Variants in MS4A12 observed in about 807,000 individuals in gnomAD.
The protein encoded by MS4A12 is membrane-spanning 4-domains subfamily A member 12.
A neutral mutation model predicts 23.7 loss-of-function variants in MS4A12; 28 were observed. The ratio of observed to expected loss-of-function variants is 1.18; its 90% CI spans 0.88 to 1.62. MS4A12 has a LOEUF of 1.62. Ranked by LOEUF, MS4A12 falls within the 40% of genes most tolerant of loss-of-function variation. MS4A12 has a pLI of 0.00. For synonymous variants in MS4A12, 108 were observed against 110.1 expected, an observed-to-expected ratio of 0.98 and a Z score of 0.12; for missense variants, 342 against 327.0, an observed-to-expected ratio of 1.05 and a Z score of -0.35.
chr11:60,503,893 T>C, intron 5 of MS4A12, 76 bp downstream of exon 5: 3 of 1,225,248 alleles, frequency 2.4e-6, no homozygotes, highest in Middle Eastern at 2.0e-4. Flanking sequence ...TATTTCTTAA[T>C]ACCGTATACC....
At chr11:60,493,862 G>T (rs1435718463) in intron 1 of MS4A12, among the ~76,000 whole-genome samples, 3 of 152,196 alleles carry the variant, frequency 2.0e-5, no homozygotes, top group Non-Finnish European at 2.9e-5. Context: ...TGTAATCACA[G>T]AGCAAATTGC....
chr11:60,497,766 T>C (rs1187921658), intron 2 of MS4A12, 172 bp downstream of exon 2: 1 of 738,646 alleles, frequency 1.4e-6, no homozygotes, highest in Non-Finnish European at 2.1e-6. Flanking sequence ...CATTTCATTT[T>C]AGATCAAGCA....
At chr11:60,501,792 T>A (rs199995834) in intron 3 of MS4A12, among the ~76,000 whole-genome samples, 191 bp from the exon 4 acceptor site, 1 of 40,386 alleles carries the variant, frequency 2.5e-5, no homozygotes, top group African/African-American at 1.1e-4. Flanking sequence ...AGGCCAGAAA[T>A]TAAGGAAAAG....
At chr11:60,501,209 C>T (rs768524727) in intron 3 of MS4A12, 27 bp downstream of exon 3, 5 of 1,568,336 alleles carry the variant, frequency 3.2e-6, no homozygotes, top group Middle Eastern at 1.7e-4. Flanking sequence ...AACACCAGTC[C>T]TTCTTGGTTT....
rs72928718 is a variant in MS4A12, at chr11:60,496,528, G to A, written c.-6-785G>A. ...CTAAAGAACAGAAGAATCATCTTAAGTGGGCATATGTGAACTATCTAGTTT... is the reference window on the plus strand; with the variant it reads ...CTAAAGAACAGAAGAATCATCTTAAATGGGCATATGTGAACTATCTAGTTT... On this transcript the variant is annotated intron_variant, in intron 1 of 6. Transcript: ENST00000016913. 5.6e-3 allele frequency among the ~76,000 whole-genome samples: 857 copies of A among 152,294 alleles called. 3 individuals carry two copies. The highest frequency in any genetic ancestry group is 9.3e-3 in the Non-Finnish European group (633 of 68,024).
chr11:60,500,912 C>T (rs934068807), intron 2 of MS4A12, 133 bp from the exon 3 acceptor site: 1 of 1,001,744 alleles, frequency 1.0e-6, no homozygotes, highest in African/African-American at 1.7e-5. Context: ...CCTCCTGCTT[C>T]AGATGTGTGC....
At chr11:60,505,009 T>C (rs1304053806) in intron 5 of MS4A12, among the ~76,000 whole-genome samples, 1 of 152,182 alleles carries the variant, frequency 6.6e-6, no homozygotes, top group Admixed American at 6.5e-5. Context: ...CTTTTGTGCT[T>C]GGAAAGGACA....
rs770456857 is a variant in MS4A12, at chr11:60,501,152, TGGTGGATACCCATTCTGG to T, written c.390_407del (p.Tyr131_Gly136del). On this transcript the variant is annotated inframe_deletion, in exon 3 of 7. Coordinates refer to ENST00000016913, the MANE Select transcript of MS4A12 (RefSeq NM_017716.3). Reference sequence around the variant, plus strand: ...TAGGTTTTGCCTCTACTGCTGTTATTGGTGGATACCCATTCTGGGGTGGCCTTTCTGTGAGTAGATTGC... The same window carrying T: ...TAGGTTTTGCCTCTACTGCTGTTATTGGTGGCCTTTCTGTGAGTAGATTGC... The T allele has an allele frequency of 1.9e-6, 3 of 1,612,904 alleles. No individual in the cohort carries two copies. The South Asian group carries it at 3.3e-5, about 18-fold the overall frequency.
chr11:60,507,291 C>T lies in MS4A12; in HGVS notation c.*167C>T. On this transcript the variant is annotated 3_prime_UTR_variant, in exon 7 of 7. Coordinates refer to ENST00000016913, the MANE Select transcript of MS4A12 (RefSeq NM_017716.3). ...TGATGGCTGTATCTCCCTTCACTGT[C>T]TCTTCCTACATTACCACTACTACAT... 1.6e-6 allele frequency: 1 copy of T among 609,240 alleles called. No individual in the cohort carries two copies. Among genetic ancestry groups the T allele is most frequent in the Non-Finnish European group, 2.9e-6 (1 of 344,980 alleles). 37.7% of individuals were successfully genotyped at this position (609,240 alleles called of 1,614,324 possible). A position where few individuals can be genotyped will look rare whatever the true frequency, so the allele number is the denominator to read the frequency against.
intron 2 of MS4A12, among the ~76,000 whole-genome samples, chr11:60,500,251 C>CA (rs1233888569): frequency 5.3e-4 from 53 of 100,640 alleles, no homozygotes; most frequent in East Asian, 2.5e-3. Flanking sequence ...AAAAAAAAAC[C>CA]AAAAAAAAAC....
intron 2 of MS4A12, among the ~76,000 whole-genome samples, chr11:60,500,261 CA>C (rs1322776085): frequency 0.038 from 4,996 of 131,886 alleles, 166 homozygotes; most frequent in Admixed American, 0.11. Context: ...CAAAAAAAAA[CA>C]AAAAAAAAAA....
chr11:60,493,627 T>A (rs1036370344), intron 1 of MS4A12, among the ~76,000 whole-genome samples: 4 of 152,206 alleles, frequency 2.6e-5, no homozygotes, highest in African/African-American at 9.6e-5. Context: ...GGAAAGAACA[T>A]TCATTTTCAC....
At position 60,506,755 on chromosome 11, in the gene MS4A12, C is replaced by T. The variant is rs1297049192; in HGVS notation, c.616C>T (p.Leu206=). The change falls in exon 6 of 7, where the codon CTG becomes TTG. Residue 206 remains leucine (L), a synonymous_variant. Coordinates refer to ENST00000016913, the MANE Select transcript of MS4A12 (RefSeq NM_017716.3). Reference sequence around the variant, plus strand: ...TTCTGGAAAAGGCATTTCAGCCACGCTGATGATCTTCTCCCTCTTGGAGTT... The same window carrying T: ...TTCTGGAAAAGGCATTTCAGCCACGTTGATGATCTTCTCCCTCTTGGAGTT... ...VLSGKGISAT[L]MIFSLLEFFV... 2 of 1,614,166 alleles carry T rather than the reference C, an allele frequency of 1.2e-6. No homozygotes were observed. The highest frequency in any genetic ancestry group is 1.7e-6 in the Non-Finnish European group (2 of 1,180,000).
intron 5 of MS4A12, among the ~76,000 whole-genome samples, chr11:60,504,047 T>A (rs2086552117): frequency 6.6e-6 from 1 of 152,232 alleles, no homozygotes; most frequent in Admixed American, 6.5e-5. Context: ...TCACTGTTAA[T>A]CACATGAACA....
At position 60,503,735 on chromosome 11, in the gene MS4A12, C is replaced by T; in HGVS notation, c.506C>T (p.Ser169Phe). Residue 169 changes from serine (S) to phenylalanine (F), a missense_variant, in exon 5 of 7, where the codon TCT becomes TTT. Transcript: ENST00000016913. ...KGSLGMNIVS[S>F]ILAFIGVILL... ...AGCCTGGGAATGAACATTGTTAGTTCTATCTTGGCCTTCATTGGAGTGATT... is the reference window on the plus strand; with the variant it reads ...AGCCTGGGAATGAACATTGTTAGTTTTATCTTGGCCTTCATTGGAGTGATT... 1 of 1,613,654 alleles carries T rather than the reference C, an allele frequency of 6.2e-7. No homozygotes were observed.
Position 60,507,087 on chromosome 11 carries a change from C to T in MS4A12, c.767C>T (p.Pro256Leu), listed in dbSNP as rs2135237441. The change falls in exon 7 of 7, where the codon CCC (proline) becomes CTC (leucine). Residue 256 changes from proline (P) to leucine (L), a missense_variant. Transcript: ENST00000016913. Reference sequence around the variant, plus strand: ...ACACCAGCGTCTTCTTCAGCTCCTCCCAGATGCAACAACTACTCAGCTAAT... The same window carrying T: ...ACACCAGCGTCTTCTTCAGCTCCTCTCAGATGCAACAACTACTCAGCTAAT... ...PVTPASSSAP[P>L]RCNNYSANAP... The T allele has an allele frequency of 6.2e-7, 1 of 1,613,808 alleles. No individual in the cohort carries two copies.
At position 60,506,614 on chromosome 11, in the gene MS4A12, G is replaced by A. The variant is rs113472009; in HGVS notation, c.589-114G>A. 887 of 693,084 alleles carry A rather than the reference G, an allele frequency of 1.3e-3. 13 individuals carry two copies. In the African/African-American group the frequency reaches 0.014, roughly 11 times the overall value. The allele number at this position is 693,084 out of a possible 1,614,324, so 42.9% of individuals were successfully genotyped here. Reference sequence around the variant, plus strand: ...GCATTTGATGATACTGGAAGAATAAGCATGGAGCGAGTTGAGTATAAGCAA... The same window carrying A: ...GCATTTGATGATACTGGAAGAATAAACATGGAGCGAGTTGAGTATAAGCAA... On this transcript the variant is annotated intron_variant, in intron 5 of 6. Transcript: ENST00000016913.
At chr11:60,502,851 A>G (rs2086541542) in intron 4 of MS4A12, among the ~76,000 whole-genome samples, 1 of 152,220 alleles carries the variant, frequency 6.6e-6, no homozygotes, top group Admixed American at 6.5e-5. Context: ...CAGTCCAAAA[A>G]CAAAATAAAG....
chr11:60,497,835 G>A, intron 2 of MS4A12: 1 of 473,568 alleles, frequency 2.1e-6, no homozygotes, highest in Non-Finnish European at 3.7e-6. Flanking sequence ...ATATTGACGT[G>A]ACAGAAGCAC....
Sources: gnomAD v4.1 joint callset for allele counts (sites outside exome capture counted in the v4.1 genomes callset) on GRCh38, gnomAD v4.1.1 for gene constraint, MANE v1.5 for transcripts, NCBI Gene and HGNC (gene_info 2026-07-23, HGNC 2026-07-21) for gene names.